ZZEF1: variants seen among roughly 807,000 people sequenced by gnomAD.
ZZEF1 encodes the protein zinc finger ZZ-type and EF-hand domain containing 1.
ZZEF1 carries 157 observed loss-of-function variants against 342.8 expected under a neutral mutation model. That is an observed-to-expected ratio of 0.46 (90% CI 0.40 to 0.52). The LOEUF is 0.52. Ranked by LOEUF, ZZEF1 falls within the 20% of genes least tolerant of loss-of-function variation. ZZEF1 has a pLI of 0.00. For missense variants in ZZEF1, 3,480 were observed against 3,725.6 expected (o/e 0.93, Z 1.72); for synonymous variants, 1,505 against 1,429.1 (o/e 1.05, Z -1.20).
chr17:4,126,080 G>T (rs1056230938), intron 1 of ZZEF1, among the ~76,000 whole-genome samples: 3 of 151,924 alleles, frequency 2.0e-5, no homozygotes, highest in Non-Finnish European at 4.4e-5. Flanking sequence ...CAAAAAATTA[G>T]CCAGGCATGG....
chr17:4,097,168 G>A (rs1264628322), intron 9 of ZZEF1, among the ~76,000 whole-genome samples: 2 of 151,792 alleles, frequency 1.3e-5, no homozygotes, highest in African/African-American at 2.4e-5. Flanking sequence ...GGCTGAGACA[G>A]GAGAATGGCG....
At chr17:4,129,701 G>A (rs1301393190) in intron 1 of ZZEF1, among the ~76,000 whole-genome samples, 1 of 152,144 alleles carries the variant, frequency 6.6e-6, no homozygotes, top group African/African-American at 2.4e-5. Flanking sequence ...GCCAGGTGTG[G>A]TGGTAGGCAC....
Position 4,132,838 on chromosome 17 carries a change from C to T in ZZEF1, c.355-8787G>A, listed in dbSNP as rs533439073. On this transcript the variant is annotated intron_variant, in intron 1 of 54. Coordinates refer to ENST00000381638, the MANE Select transcript of ZZEF1 (RefSeq NM_015113.4). Reference sequence around the variant, plus strand: ...AAAATTAGCCGGGTGTGGTGGCGGGCGCCTGTAGTCCCAGCTACTCGGGAG... The same window carrying T: ...AAAATTAGCCGGGTGTGGTGGCGGGTGCCTGTAGTCCCAGCTACTCGGGAG... 4.4e-3 allele frequency among the ~76,000 whole-genome samples: 664 copies of T among 151,666 alleles called. 5 individuals are homozygous for T. Among genetic ancestry groups the T allele is most frequent in the African/African-American group, 0.015 (626 of 41,432 alleles).
intron 13 of ZZEF1, among the ~76,000 whole-genome samples, chr17:4,088,012 TAGG>T (rs2057871202): frequency 6.6e-6 from 1 of 152,174 alleles, no homozygotes; most frequent in Non-Finnish European, 1.5e-5. Context: ...TCTACTGTGA[TAGG>T]AGGTCTGAAT....
chr17:4,021,536 C>G (rs1046398083), intron 44 of ZZEF1, among the ~76,000 whole-genome samples: 5 of 152,260 alleles, frequency 3.3e-5, no homozygotes, highest in African/African-American at 1.2e-4. Flanking sequence ...TGTTTATTCA[C>G]TTCCCCACAG....
rs1227260694 is a variant in ZZEF1 at position 4,006,676 on chromosome 17, T to C, written c.*214A>G. 6.4e-6 allele frequency: 4 copies of C among 621,048 alleles called. No homozygotes were observed. Among genetic ancestry groups the C allele is most frequent in the Non-Finnish European group, 1.2e-5 (4 of 345,224 alleles). The allele number at this position is 621,048 out of a possible 1,614,324, so 38.5% of individuals were successfully genotyped here. On this transcript the variant is annotated 3_prime_UTR_variant, in exon 55 of 55. Transcript: ENST00000381638. ...CCACCCTTTCTGAGGCATTCTGCAC[T>C]GCTTGGCTTATTTTCACCATGCTAC...
rs118017571 is a variant in ZZEF1, at chr17:4,017,824, C to T, written c.7641+12G>A. 87,476 of 1,614,046 alleles carry T rather than the reference C, an allele frequency of 0.054. 2,762 individuals carry two copies. Among genetic ancestry groups the T allele is most frequent in the Non-Finnish European group, 0.061 (71,906 of 1,180,012 alleles). ...GGTGCAGATACTTTGGGTCCGAGGT[C>T]GGGTGACATACCAAGCATGGCAGGA... On this transcript the variant is annotated intron_variant, in intron 47 of 54. Transcript: ENST00000381638. The surrounding 1 kb of genome is among the most constrained non-coding windows in gnomAD (Gnocchi z 5.1).
rs967443986 is a variant in ZZEF1, at chr17:4,017,173, G to A, written c.8001+198C>T. ...AAGCTTTCTGGTTCAGCTGGAAATC[G>A]CGCTCAGGGCCCCTGAGTTCCTCAC... On this transcript the variant is annotated intron_variant, in intron 48 of 54. Coordinates refer to ENST00000381638, the MANE Select transcript of ZZEF1 (RefSeq NM_015113.4). The surrounding 1 kb of genome is among the most constrained non-coding windows in gnomAD (Gnocchi z 5.1). The A allele has an allele frequency of 2.1e-5, 14 of 662,504 alleles. No individual in the cohort carries two copies. The highest frequency in any genetic ancestry group is 1.0e-4 in the Admixed American group (3 of 30,092). 41.0% of individuals were successfully genotyped at this position (662,504 alleles called of 1,614,324 possible).
At chr17:4,136,998 G>A (rs1398743976) in intron 1 of ZZEF1, among the ~76,000 whole-genome samples, 2 of 151,978 alleles carry the variant, frequency 1.3e-5, no homozygotes, top group East Asian at 3.9e-4. Flanking sequence ...AGGAGAAGGA[G>A]AGCAAAGGAC....
At chr17:4,033,837 A>G (rs1410633529) in intron 40 of ZZEF1, 178 bp downstream of exon 40, 3 of 780,960 alleles carry the variant, frequency 3.8e-6, no homozygotes, top group Non-Finnish European at 4.0e-6. Context: ...GGTGTTAAGC[A>G]CAGTTTTAAT....
In ZZEF1 at chr17:4,062,906, A is replaced by C; in HGVS notation, c.4730T>G (p.Val1577Gly). 1 of 1,611,330 alleles carries C rather than the reference A, an allele frequency of 6.2e-7. No individual in the cohort carries two copies. Among genetic ancestry groups the C allele is most frequent in the Non-Finnish European group, 8.5e-7 (1 of 1,179,106 alleles). The change falls in exon 30 of 55, where the codon GTT (valine) becomes GGT (glycine). Residue 1577 changes from valine (V) to glycine (G), a missense_variant. Coordinates refer to ENST00000381638, the MANE Select transcript of ZZEF1 (RefSeq NM_015113.4). ...QSLSHRSVVK[V>G]LSLRKAQAQS... ...GGCCTGGGCTTTCCTCAGGGAAAGAACCTTCACAACACTGGAGACACAATG... is the reference window on the plus strand; with the variant it reads ...GGCCTGGGCTTTCCTCAGGGAAAGACCCTTCACAACACTGGAGACACAATG...
chr17:4,133,048 C>T (rs559842596), intron 1 of ZZEF1, among the ~76,000 whole-genome samples: 2 of 152,078 alleles, frequency 1.3e-5, no homozygotes, highest in Non-Finnish European at 2.9e-5. Context: ...GCGGTGGGAA[C>T]GCTACACTAC....
At position 4,139,300 on chromosome 17, in the gene ZZEF1, G is replaced by C. The variant is rs147364675; in HGVS notation, c.354+3242C>G. 2.2e-4 allele frequency among the ~76,000 whole-genome samples: 33 copies of C among 152,052 alleles called. 1 individual carries two copies. In the East Asian group the frequency reaches 4.2e-3, roughly 20 times the overall value. On this transcript the variant is annotated intron_variant, in intron 1 of 54. Transcript: ENST00000381638. Reference sequence around the variant, plus strand: ...GCAAGACAGCTGCGTGGACACCAATGGCAGCGTAAGTTGGGAAGCCAAAGA... The same window carrying C: ...GCAAGACAGCTGCGTGGACACCAATCGCAGCGTAAGTTGGGAAGCCAAAGA...
intron 1 of ZZEF1, among the ~76,000 whole-genome samples, chr17:4,124,891 T>C (rs896467720): frequency 1.3e-5 from 2 of 152,210 alleles, no homozygotes; most frequent in Non-Finnish European, 2.9e-5. Context: ...CCTGGGACAG[T>C]AGAGATTTGG....
In ZZEF1 at chr17:4,014,252, T is replaced by C. The variant is rs1429041542; in HGVS notation, c.8315-64A>G. The C allele has an allele frequency of 7.5e-6, 12 of 1,610,736 alleles. No homozygotes were observed. The Admixed American group carries it at 8.3e-5, about 11-fold the overall frequency. On this transcript the variant is annotated intron_variant, in intron 50 of 54. Coordinates refer to ENST00000381638, the MANE Select transcript of ZZEF1 (RefSeq NM_015113.4). This position sits in a 1 kb window ranked among gnomAD's most constrained non-coding sequence, Gnocchi z 4.4. ...GCAACAGGGAATGGCAGCAGTGGTGTTGGGTTTCAACATTCTCCAGTAAGT... is the reference window on the plus strand; with the variant it reads ...GCAACAGGGAATGGCAGCAGTGGTGCTGGGTTTCAACATTCTCCAGTAAGT...
rs535251523 is a variant in ZZEF1, at chr17:4,074,201, G to C, written c.3634C>G (p.Arg1212Gly). The C allele has an allele frequency of 6.2e-7, 1 of 1,614,052 alleles. No individual in the cohort carries two copies. Among genetic ancestry groups the C allele is most frequent in the East Asian group, 2.2e-5 (1 of 44,886 alleles). ...TGGGAAGCCAGGCGTCCCATCAGCC[G>C]GGAGACGAGGAGCTGTAAATCCAGC... ...WGLDLQLLVSRLMGRLASQCM... is the reference protein window; with the variant it reads ...WGLDLQLLVSGLMGRLASQCM... Residue 1212 changes from arginine to glycine, a missense_variant, in exon 24 of 55, where the codon CGG (arginine) becomes GGG (glycine). Physicochemically the swap from Arg to Gly is moderately radical, Grantham distance 125. Coordinates refer to ENST00000381638, the MANE Select transcript of ZZEF1 (RefSeq NM_015113.4).
rs1164644057 is a variant in ZZEF1, at chr17:4,127,112, G to A, written c.355-3061C>T. ...CCTCAAACTCCTGGGCTCAAGAGAT[G>A]CTCCTGCCTCAGCCTCCCAAGTAGC... On this transcript the variant is annotated intron_variant, in intron 1 of 54. Transcript: ENST00000381638. Among the ~76,000 whole-genome samples, 4 of 151,652 alleles carry A rather than the reference G, an allele frequency of 2.6e-5. No individual in the cohort carries two copies. The East Asian group carries it at 5.8e-4, about 22-fold the overall frequency.
At chr17:4,105,627 A>G in intron 7 of ZZEF1, 66 bp downstream of exon 7, 2 of 1,185,912 alleles carry the variant, frequency 1.7e-6, no homozygotes, top group Non-Finnish European at 2.4e-6. Flanking sequence ...ATATTTTTTA[A>G]AGACTTAACA....
rs766303530 is a variant in ZZEF1 at position 4,016,279 on chromosome 17, T to C, written c.8145+44A>G. ...AGCACGGAGGGGCTGACGAGGTCTC[T>C]GCGGCTCAGTCGCTCTTATGGGGCC... is the stretch of plus-strand genomic sequence containing the variant. On this transcript the variant is annotated intron_variant, in intron 49 of 54. Coordinates refer to ENST00000381638, the MANE Select transcript of ZZEF1 (RefSeq NM_015113.4). The surrounding 1 kb of genome is among the most constrained non-coding windows in gnomAD (Gnocchi z 4.4). 2 of 1,584,292 alleles carry C rather than the reference T, an allele frequency of 1.3e-6. No homozygotes were observed. Among genetic ancestry groups the C allele is most frequent in the Non-Finnish European group, 8.6e-7 (1 of 1,169,420 alleles).
Sources: allele counts gnomAD v4.1 joint callset (sites outside exome capture counted in the v4.1 genomes callset), GRCh38; gene constraint gnomAD v4.1.1; non-coding constraint Gnocchi (gnomAD v3.1); transcripts MANE v1.5; gene names NCBI Gene and HGNC (gene_info 2026-07-23, HGNC 2026-07-21).